SHISA9: variants seen among roughly 807,000 people sequenced by gnomAD.
SHISA9 encodes shisa family member 9.
Under a neutral mutation model 38.0 loss-of-function variants are expected in SHISA9, and 13 were observed. The ratio of observed to expected loss-of-function variants is 0.34; its 90% CI spans 0.22 to 0.54. The LOEUF (loss-of-function observed/expected upper bound fraction) is 0.54, where lower values mean the gene tolerates loss of function less well. Among genes scored for constraint, SHISA9 ranks in the 20% least tolerant of loss-of-function variants. SHISA9 has a pLI of 0.91. For synonymous variants in SHISA9, 275 were observed against 242.0 expected (o/e 1.14, Z -1.27); for missense variants, 538 against 575.8 (o/e 0.93, Z 0.67).
intron 2 of SHISA9, among the ~76,000 whole-genome samples, chr16:13,086,850 CT>C (rs11382833): frequency 6.6e-6 from 1 of 151,584 alleles, no homozygotes; most frequent in South Asian, 2.1e-4. Flanking sequence ...CATCTGTTTT[CT>C]TTTTTATTAT....
chr16:13,247,088 G>T, the SHISA9 span, among the ~76,000 whole-genome samples: 1 of 151,986 alleles, frequency 6.6e-6, no homozygotes. Context: ...CAATCATGGC[G>T]GAAGGGGAAG....
chr16:13,008,517 A>C (rs2072626329), intron 2 of SHISA9, among the ~76,000 whole-genome samples: 1 of 151,904 alleles, frequency 6.6e-6, no homozygotes, highest in African/African-American at 2.4e-5. Flanking sequence ...GATCATGGGG[A>C]CATTTTCCCC....
chr16:13,447,709 A>G, the SHISA9 span, among the ~76,000 whole-genome samples: 1 of 152,232 alleles, frequency 6.6e-6, no homozygotes, highest in East Asian at 1.9e-4. Context: ...GGCCAGGCTA[A>G]TGAGACTCGG....
the SHISA9 span, among the ~76,000 whole-genome samples, chr16:13,559,788 G>A: frequency 2.3e-3 from 354 of 152,294 alleles, 2 homozygotes; most frequent in African/African-American, 8.2e-3. Flanking sequence ...TCAGGGCTTA[G>A]AACAGAGTGG....
intron 2 of SHISA9, among the ~76,000 whole-genome samples, chr16:13,134,009 C>A (rs937164832): frequency 6.6e-6 from 1 of 152,184 alleles, no homozygotes; most frequent in Admixed American, 6.5e-5. Flanking sequence ...GCACTAGGAG[C>A]AGACTCTACA....
the SHISA9 span, among the ~76,000 whole-genome samples, chr16:13,352,676 AAG>A: frequency 0.69 from 98,406 of 141,630 alleles, 33,928 homozygotes; most frequent in East Asian, 0.8. Context: ...TGAGTCCGGA[AAG>A]AGAGTCAGCG....
chr16:13,305,719 G>A, the SHISA9 span, among the ~76,000 whole-genome samples: 3 of 152,124 alleles, frequency 2.0e-5, no homozygotes, highest in Admixed American at 2.0e-4. Flanking sequence ...GAGGGACCCC[G>A]ACTCAAATAA....
chr16:12,906,436 G>C (rs1331581964), intron 1 of SHISA9, among the ~76,000 whole-genome samples: 1 of 152,126 alleles, frequency 6.6e-6, no homozygotes, highest in Admixed American at 6.5e-5. Flanking sequence ...GAGAAAAGGA[G>C]AAAGACAGCA....
chr16:13,354,973 G>A, the SHISA9 span, among the ~76,000 whole-genome samples: 108,770 of 143,346 alleles, frequency 0.76, 41,246 homozygotes, highest in East Asian at 0.94. Flanking sequence ...AGCTTGATGG[G>A]TGTCAGGGTC....
chr16:13,446,393 G>A, the SHISA9 span, among the ~76,000 whole-genome samples: 1 of 152,200 alleles, frequency 6.6e-6, no homozygotes, highest in African/African-American at 2.4e-5. Flanking sequence ...AGGCAAAGAT[G>A]TTGGAACTAA....
the SHISA9 span, among the ~76,000 whole-genome samples, chr16:13,343,884 T>C: frequency 2.6e-5 from 4 of 152,332 alleles, no homozygotes; most frequent in African/African-American, 9.6e-5. Flanking sequence ...GCATCAATAC[T>C]AATCCATAAG....
the SHISA9 span, among the ~76,000 whole-genome samples, chr16:13,404,483 C>G: frequency 6.6e-6 from 1 of 152,018 alleles, no homozygotes; most frequent in Non-Finnish European, 1.5e-5. Flanking sequence ...GAAGGTAATT[C>G]CAGGCAGAGA....
Position 13,043,123 on chromosome 16 carries a change from A to G in SHISA9, c.691+126308A>G, listed in dbSNP as rs182768912. The stretch of plus-strand genomic sequence containing the variant: ...TGCAGTCACTCAAGGACCCAGGATG[A>G]TGGAGGAACTTCCAACTTTATCATG... On this transcript the variant is annotated intron_variant, in intron 2 of 4. Transcript: ENST00000558583. Among the ~76,000 whole-genome samples, 17 of 152,322 alleles carry G rather than the reference A, an allele frequency of 1.1e-4. No homozygotes were observed. The East Asian group carries it at 2.3e-3, about 21-fold the overall frequency.
chr16:13,383,281 G>A, the SHISA9 span, among the ~76,000 whole-genome samples: 251 of 152,346 alleles, frequency 1.6e-3, no homozygotes, highest in South Asian at 4.8e-3. Flanking sequence ...TGCATTCCAT[G>A]AAGAGGAAGC....
the SHISA9 span, among the ~76,000 whole-genome samples, chr16:13,515,086 T>A: frequency 6.6e-6 from 1 of 152,122 alleles, no homozygotes; most frequent in Non-Finnish European, 1.5e-5. Flanking sequence ...TAGAATTCTA[T>A]ACTCAGTGAG....
intron 2 of SHISA9, among the ~76,000 whole-genome samples, chr16:13,175,221 A>T (rs1181481769): frequency 6.6e-6 from 1 of 151,948 alleles, no homozygotes; most frequent in African/African-American, 2.4e-5. Context: ...AAAGAAAGAA[A>T]AAAAAAGAAA....
In SHISA9 at chr16:12,902,647, C is replaced by T. The variant is rs1343801673; in HGVS notation, c.563+20C>T. 4 of 1,525,398 alleles carry T rather than the reference C, an allele frequency of 2.6e-6. No individual in the cohort carries two copies. The Admixed American group carries it at 8.1e-5, about 31-fold the overall frequency. The allele number at this position is 1,525,398 out of a possible 1,614,324, so 94.5% of individuals were successfully genotyped here. A position where few individuals can be genotyped will look rare whatever the true frequency, so the allele number is the denominator to read the frequency against. On this transcript the variant is annotated intron_variant, in intron 1 of 4. Transcript: ENST00000558583. Reference sequence around the variant, plus strand: ...GTCCAGGTGGGCTGCCTCCCCTTCGCCCTCCCCTCGGGGCTTCGCTCTCCC... The same window carrying T: ...GTCCAGGTGGGCTGCCTCCCCTTCGTCCTCCCCTCGGGGCTTCGCTCTCCC...
At chr16:13,306,921 G>T in the SHISA9 span, among the ~76,000 whole-genome samples, 1 of 152,130 alleles carries the variant, frequency 6.6e-6, no homozygotes, top group African/African-American at 2.4e-5. Flanking sequence ...TGCTTAGACT[G>T]ATACCTTAGT....
At chr16:13,226,462 G>A (rs2051280678) in intron 4 of SHISA9, among the ~76,000 whole-genome samples, 1 of 152,192 alleles carries the variant, frequency 6.6e-6, no homozygotes. Context: ...TAGATGGCCT[G>A]AGGATCCCTT....
Sources: gnomAD v4.1 joint callset for allele counts (sites outside exome capture counted in the v4.1 genomes callset) on GRCh38, gnomAD v4.1.1 for gene constraint, MANE v1.5 for transcripts, NCBI Gene and HGNC (gene_info 2026-07-23, HGNC 2026-07-21) for gene names.